Variants in UBE2E2 observed in about 807,000 individuals in gnomAD.
The protein encoded by UBE2E2 is ubiquitin-conjugating enzyme E2 E2.
Under a neutral mutation model 24.7 loss-of-function variants are expected in UBE2E2, and 6 were observed. The ratio of observed to expected loss-of-function variants is 0.24; its 90% CI spans 0.13 to 0.48. The LOEUF is 0.48. Among genes scored for constraint, UBE2E2 ranks in the 20% least tolerant of loss-of-function variants. The pLI is 0.99. For missense variants in UBE2E2, 169 were observed against 245.0 expected (o/e 0.69, Z 2.07); for synonymous variants, 104 against 83.6 (o/e 1.24, Z -1.33).
chr3:23,265,586 G>T (rs1482646294), intron 3 of UBE2E2, among the ~76,000 whole-genome samples: 1 of 152,176 alleles, frequency 6.6e-6, no homozygotes, highest in African/African-American at 2.4e-5. Flanking sequence ...CTCCTCCAGT[G>T]CATAGGCTCA....
intron 3 of UBE2E2, among the ~76,000 whole-genome samples, chr3:23,446,103 ATCACACTCGG>A (rs1698423951): frequency 6.6e-6 from 1 of 152,194 alleles, no homozygotes; most frequent in Non-Finnish European, 1.5e-5. Context: ...AGTCTTCTTT[ATCACACTCGG>A]TCACTCTTGA....
chr3:23,341,681 CTCTTT>C (rs949706797), intron 3 of UBE2E2, among the ~76,000 whole-genome samples: 1 of 152,114 alleles, frequency 6.6e-6, no homozygotes, highest in Non-Finnish European at 1.5e-5. Flanking sequence ...ATCATTTCCC[CTCTTT>C]TCTTTCACTT....
chr3:23,294,221 C>T (rs1028356640), intron 3 of UBE2E2, among the ~76,000 whole-genome samples: 2 of 152,114 alleles, frequency 1.3e-5, no homozygotes, highest in African/African-American at 4.8e-5. Flanking sequence ...AGAACTTTAA[C>T]GTTATTCATA....
intron 3 of UBE2E2, among the ~76,000 whole-genome samples, chr3:23,279,196 T>C (rs966178047): frequency 6.6e-6 from 1 of 152,134 alleles, no homozygotes; most frequent in Admixed American, 6.5e-5. Context: ...AGATTTGGCT[T>C]AGTAGTTGAG....
intron 4 of UBE2E2, among the ~76,000 whole-genome samples, chr3:23,532,264 G>C (rs532516856): frequency 2.0e-5 from 3 of 152,102 alleles, no homozygotes; most frequent in Non-Finnish European, 4.4e-5. Context: ...TGTATCAAAA[G>C]TAAATTCAGT....
At chr3:23,212,879 A>G (rs1338861355) in intron 2 of UBE2E2, among the ~76,000 whole-genome samples, 1 of 152,152 alleles carries the variant, frequency 6.6e-6, no homozygotes, top group Admixed American at 6.5e-5. Flanking sequence ...TCATAGATAT[A>G]TAGTATATAC....
At chr3:23,445,329 C>G (rs972756110) in intron 3 of UBE2E2, among the ~76,000 whole-genome samples, 1 of 152,134 alleles carries the variant, frequency 6.6e-6, no homozygotes, top group Admixed American at 6.5e-5. Flanking sequence ...CACAAATGCC[C>G]CTGATTTGTG....
intron 3 of UBE2E2, among the ~76,000 whole-genome samples, chr3:23,368,142 A>G (rs931133566): frequency 5.3e-5 from 8 of 152,058 alleles, no homozygotes; most frequent in Non-Finnish European, 7.4e-5. Context: ...ATATTTTTTA[A>G]CACAACATTT....
upstream of UBE2E2, chr3:23,203,197 C>T (rs1204400500): frequency 4.1e-6 from 4 of 985,962 alleles, no homozygotes; most frequent in African/African-American, 1.8e-5. Flanking sequence ...CAGCGACAGC[C>T]GCGGGCAGCA....
intron 3 of UBE2E2, among the ~76,000 whole-genome samples, chr3:23,461,494 A>G (rs1698804107): frequency 6.6e-6 from 1 of 152,132 alleles, no homozygotes. Flanking sequence ...TTATTTATTC[A>G]TATTAGGAAA....
intron 5 of UBE2E2, among the ~76,000 whole-genome samples, chr3:23,574,933 C>T (rs2125514935): frequency 6.6e-6 from 1 of 152,244 alleles, no homozygotes; most frequent in Non-Finnish European, 1.5e-5. Context: ...TGAAAATGCT[C>T]CAAAATCTGA....
intron 3 of UBE2E2, among the ~76,000 whole-genome samples, chr3:23,435,315 A>G (rs1698155018): frequency 6.6e-6 from 1 of 152,234 alleles, no homozygotes; most frequent in African/African-American, 2.4e-5. Flanking sequence ...CTTAACCGTA[A>G]CCTGCAGAGT....
chr3:23,351,013 G>T (rs1695732090), intron 3 of UBE2E2, among the ~76,000 whole-genome samples: 1 of 152,202 alleles, frequency 6.6e-6, no homozygotes, highest in South Asian at 2.1e-4. Flanking sequence ...ACAAAGGGAA[G>T]CCCATCAGAC....
intron 5 of UBE2E2, among the ~76,000 whole-genome samples, chr3:23,544,769 G>A (rs1381674618): frequency 6.6e-6 from 1 of 152,160 alleles, no homozygotes; most frequent in East Asian, 1.9e-4. Flanking sequence ...AAAGAAATAA[G>A]GGGACCCAGG....
At chr3:23,520,532 A>C (rs1490160783) in intron 4 of UBE2E2, among the ~76,000 whole-genome samples, 1 of 152,248 alleles carries the variant, frequency 6.6e-6, no homozygotes, top group African/African-American at 2.4e-5. Flanking sequence ...CTTTCAAAGA[A>C]TGTCTCTTTT....
intron 3 of UBE2E2, among the ~76,000 whole-genome samples, chr3:23,498,383 A>G (rs532649802): frequency 6.6e-6 from 1 of 152,320 alleles, no homozygotes; most frequent in East Asian, 1.9e-4. Context: ...TCAGGTTTTC[A>G]TATATGTGTG....
chr3:23,296,454 A>G (rs1210411636), intron 3 of UBE2E2, among the ~76,000 whole-genome samples: 1 of 151,694 alleles, frequency 6.6e-6, no homozygotes, highest in East Asian at 1.9e-4. Context: ...TCCTAATGCT[A>G]TCCCTCTCCC....
At chr3:23,354,665 A>G (rs1695882743) in intron 3 of UBE2E2, among the ~76,000 whole-genome samples, 1 of 152,238 alleles carries the variant, frequency 6.6e-6, no homozygotes, top group South Asian at 2.1e-4. Context: ...AATGCAAATC[A>G]AAACCGCAAT....
chr3:23,438,050 C>G (rs1384503670), intron 3 of UBE2E2, among the ~76,000 whole-genome samples: 1 of 152,198 alleles, frequency 6.6e-6, no homozygotes, highest in East Asian at 1.9e-4. Flanking sequence ...CAGATTAATT[C>G]AGCAGATTTG....
Sources: allele counts gnomAD v4.1 joint callset (sites outside exome capture counted in the v4.1 genomes callset), GRCh38; gene constraint gnomAD v4.1.1; transcripts MANE v1.5; gene names NCBI Gene and HGNC (gene_info 2026-07-23, HGNC 2026-07-21).